The following GGTA1 variants were observed in gnomAD, a reference collection of about 807,000 sequenced individuals.
GGTA1 encodes the protein inactive N-acetyllactosaminide alpha-1,3-galactosyltransferase.
In GGTA1, 5 loss-of-function variants were observed where a neutral mutation model predicts 2.6. The observed-to-expected ratio is 1.92, with a 90% CI of 1.00 to 4.04. The LOEUF is 4.04. Among genes scored for constraint, GGTA1 ranks in the 30% most tolerant of loss-of-function variants. GGTA1 has a pLI of 0.00. For missense variants in GGTA1, 50 were observed against 16.7 expected (o/e 2.99, Z -3.47); for synonymous variants, 17 against 5.0 (o/e 3.38, Z -3.19).
chr9:121,463,320 C>G lies in GGTA1; in HGVS notation c.89G>C (p.Gly30Ala), dbSNP rs77378583. ...TGAGTGATATATCCACAAGAAAGAG[C>G]CTTCTGTGCTAAAAGCAAAAAAGAA... ...VFWEFINSTEGSFLWIYHSKN... is the reference protein window; with the variant it reads ...VFWEFINSTEASFLWIYHSKN... The change falls in exon 3 of 6, where the codon GGC becomes GCC. Residue 30 changes from glycine to alanine, a missense_variant. Physicochemically the swap from Gly to Ala is moderately conservative, Grantham distance 60. Transcript: ENST00000481799. 2 of 450,326 alleles carry G rather than the reference C, an allele frequency of 4.4e-6. No individual in the cohort carries two copies. Among genetic ancestry groups the G allele is most frequent in the Admixed American group, 4.9e-5 (2 of 40,956 alleles). The allele number at this position is 450,326 out of a possible 1,614,324, so 27.9% of individuals were successfully genotyped here. A position where few individuals can be genotyped will look rare whatever the true frequency, so the allele number is the denominator to read the frequency against.
At chr9:121,483,987 T>A (rs1246781028) in intron 1 of GGTA1, among the ~76,000 whole-genome samples, 1 of 152,322 alleles carries the variant, frequency 6.6e-6, no homozygotes, top group Non-Finnish European at 1.5e-5. Context: ...GGCTTCCTGA[T>A]CTGTGTAAAG....
chr9:121,491,091 A>G (rs1283608437), intron 1 of GGTA1, among the ~76,000 whole-genome samples: 1 of 152,106 alleles, frequency 6.6e-6, no homozygotes, highest in Non-Finnish European at 1.5e-5. Flanking sequence ...TCAAACACCA[A>G]TCTATAAGCA....
chr9:121,450,214 T>C (rs1249109263), downstream of GGTA1, among the ~76,000 whole-genome samples: 2 of 151,934 alleles, frequency 1.3e-5, no homozygotes, highest in Non-Finnish European at 2.9e-5. Context: ...ATCTGAGGAA[T>C]ATAAAAAGGG....
At chr9:121,459,279 A>G (rs545481669) in intron 5 of GGTA1, among the ~76,000 whole-genome samples, 20 of 152,244 alleles carry the variant, frequency 1.3e-4, no homozygotes, top group Admixed American at 9.8e-4. Flanking sequence ...CAACATAGTA[A>G]GACCCTGTCT....
chr9:121,454,491 C>A (rs2064895387), downstream of GGTA1, among the ~76,000 whole-genome samples: 1 of 152,158 alleles, frequency 6.6e-6, no homozygotes, highest in African/African-American at 2.4e-5. Context: ...ATTTTGATTC[C>A]CATTTTATCA....
chr9:121,477,268 A>G (rs1828529338), intron 1 of GGTA1, among the ~76,000 whole-genome samples: 1 of 152,218 alleles, frequency 6.6e-6, no homozygotes, highest in Non-Finnish European at 1.5e-5. Context: ...AAAAGCACCC[A>G]TTGATTAACC....
intron 2 of GGTA1, among the ~76,000 whole-genome samples, chr9:121,465,451 G>T (rs529230650): frequency 1.3e-5 from 2 of 152,320 alleles, no homozygotes; most frequent in South Asian, 4.1e-4. Flanking sequence ...AGTGAATGTT[G>T]TATCTCTTCA....
downstream of GGTA1, among the ~76,000 whole-genome samples, chr9:121,451,437 G>A (rs1402772249): frequency 1.3e-5 from 2 of 152,220 alleles, no homozygotes; most frequent in Admixed American, 6.5e-5. Context: ...CACCCACCTC[G>A]GCCTCCCAAA....
At chr9:121,461,833 C>A (rs1026177989) in intron 3 of GGTA1, among the ~76,000 whole-genome samples, 1 of 152,174 alleles carries the variant, frequency 6.6e-6, no homozygotes, top group African/African-American at 2.4e-5. Flanking sequence ...ATGCATGTTT[C>A]CATGTTTCTT....
intron 1 of GGTA1, among the ~76,000 whole-genome samples, chr9:121,497,041 A>C (rs564884428): frequency 3.4e-4 from 52 of 152,034 alleles, no homozygotes; most frequent in African/African-American, 1.3e-3. Flanking sequence ...AAAAATTAAA[A>C]AATTAGCTGG....
intron 1 of GGTA1, among the ~76,000 whole-genome samples, chr9:121,486,704 TC>T (rs1828762603): frequency 1.3e-5 from 2 of 152,338 alleles, no homozygotes; most frequent in South Asian, 4.1e-4. Flanking sequence ...TGCCTCAGTT[TC>T]CTCCCTTGTA....
chr9:121,494,131 C>T (rs186344935), intron 1 of GGTA1, among the ~76,000 whole-genome samples: 50 of 152,246 alleles, frequency 3.3e-4, no homozygotes, highest in Non-Finnish European at 6.3e-4. Flanking sequence ...CATGCTTTTC[C>T]CTGCCATTCA....
At chr9:121,462,431 A>G (rs2064969019) in intron 3 of GGTA1, among the ~76,000 whole-genome samples, 1 of 152,178 alleles carries the variant, frequency 6.6e-6, no homozygotes, top group Non-Finnish European at 1.5e-5. Context: ...TGGTGAGCTA[A>G]CTCATGAACA....
intron 1 of GGTA1, among the ~76,000 whole-genome samples, chr9:121,489,554 A>G (rs1046692264): frequency 2.6e-5 from 4 of 152,192 alleles, no homozygotes; most frequent in Admixed American, 6.5e-5. Context: ...CTATACATCA[A>G]TGTGCTACTG....
At chr9:121,477,391 G>T (rs1027164071) in intron 1 of GGTA1, among the ~76,000 whole-genome samples, 20 of 152,224 alleles carry the variant, frequency 1.3e-4, no homozygotes, top group Middle Eastern at 3.4e-3. Context: ...AACATGACAG[G>T]TGTATCAGAC....
intron 2 of GGTA1, among the ~76,000 whole-genome samples, chr9:121,465,523 C>T (rs960847343): frequency 4.6e-5 from 7 of 152,098 alleles, no homozygotes; most frequent in South Asian, 4.1e-4. Context: ...GCTTTTGGGA[C>T]GTAATTAGGT....
chr9:121,458,143 C>T (rs959463002), intron 5 of GGTA1, among the ~76,000 whole-genome samples: 2 of 151,642 alleles, frequency 1.3e-5, no homozygotes, highest in Non-Finnish European at 2.9e-5. Flanking sequence ...CTCCTGAGCT[C>T]AGGCAATCCA....
At chr9:121,487,805 T>A (rs1038655052) in intron 1 of GGTA1, among the ~76,000 whole-genome samples, 2 of 151,294 alleles carry the variant, frequency 1.3e-5, no homozygotes, top group Non-Finnish European at 2.9e-5. Flanking sequence ...AACCTCCACA[T>A]CCTGGGTTAA....
At chr9:121,475,001 C>A (rs544452939) in intron 1 of GGTA1, among the ~76,000 whole-genome samples, 146 of 152,270 alleles carry the variant, frequency 9.6e-4, no homozygotes, top group Admixed American at 2.1e-3. Flanking sequence ...CCGTTTGAAC[C>A]ACAGCAACTC....
Sources: gnomAD v4.1 joint callset for allele counts (sites outside exome capture counted in the v4.1 genomes callset) on GRCh38, gnomAD v4.1.1 for gene constraint, MANE v1.5 for transcripts, NCBI Gene and HGNC (gene_info 2026-07-23, HGNC 2026-07-21) for gene names.